SCLT1: variants seen among roughly 807,000 people sequenced by gnomAD.
The protein encoded by SCLT1 is sodium channel and clathrin linker 1.
In SCLT1, 78 loss-of-function variants were observed where a neutral mutation model predicts 112.8. The observed-to-expected ratio is 0.69, with a 90% CI of 0.58 to 0.83. The LOEUF (loss-of-function observed/expected upper bound fraction) is 0.83. Among genes scored for constraint, SCLT1 ranks in the 40% least tolerant of loss-of-function variants. The pLI, the probability that SCLT1 is intolerant of heterozygous loss-of-function variation, is 0.00. For missense variants in SCLT1, 747 were observed against 770.4 expected (o/e 0.97, Z 0.36); for synonymous variants, 257 against 254.7 (o/e 1.01, Z -0.09).
At chr4:128,942,024 A>T (rs1737737182) in intron 17 of SCLT1, among the ~76,000 whole-genome samples, 1 of 152,116 alleles carries the variant, frequency 6.6e-6, no homozygotes, top group African/African-American at 2.4e-5. Flanking sequence ...TGTTGATAAC[A>T]CATTGTCTAA....
At chr4:128,962,144 A>T (rs751986155) in intron 11 of SCLT1, among the ~76,000 whole-genome samples, 4 of 152,154 alleles carry the variant, frequency 2.6e-5, no homozygotes, top group Non-Finnish European at 5.9e-5. Context: ...ACTTGAGAAT[A>T]CCCAACTATA....
At chr4:128,915,539 C>T (rs1307567922) in intron 18 of SCLT1, among the ~76,000 whole-genome samples, 1 of 152,138 alleles carries the variant, frequency 6.6e-6, no homozygotes, top group African/African-American at 2.4e-5. Context: ...AGCAGTGGTA[C>T]AATTATGGGA....
intron 5 of SCLT1, among the ~76,000 whole-genome samples, chr4:129,020,400 A>G (rs1004334406): frequency 6.6e-6 from 1 of 152,212 alleles, no homozygotes; most frequent in Admixed American, 6.5e-5. Flanking sequence ...GCACAGACAG[A>G]AGCCAATGAT....
At chr4:129,082,431 C>G (rs1579962693) in intron 1 of SCLT1, 58 bp from the exon 2 acceptor site, 7 of 1,049,990 alleles carry the variant, frequency 6.7e-6, no homozygotes, top group Non-Finnish European at 1.0e-5. Context: ...TTCTTTAAAA[C>G]TAGAAATACA....
intron 14 of SCLT1, 22 bp downstream of exon 14, chr4:128,952,747 A>T (rs1044404378): frequency 8.1e-7 from 1 of 1,239,938 alleles, no homozygotes; most frequent in African/African-American, 1.5e-5. Flanking sequence ...TTGGAAGAAA[A>T]TATCAGTATA....
intron 18 of SCLT1, among the ~76,000 whole-genome samples, chr4:128,905,798 C>G (rs1579337018): frequency 9.1e-6 from 1 of 109,656 alleles, no homozygotes; most frequent in Non-Finnish European, 1.8e-5. Flanking sequence ...TAAATGTCAC[C>G]TTTTTAGACT....
At chr4:128,950,699 C>A (rs113793009) in intron 14 of SCLT1, among the ~76,000 whole-genome samples, 44 of 152,128 alleles carry the variant, frequency 2.9e-4, no homozygotes, top group Admixed American at 9.2e-4. Context: ...CAATAAAAGA[C>A]AGTGTAAATC....
intron 4 of SCLT1, chr4:128,874,574 G>A (rs535975540): frequency 2.6e-5 from 4 of 152,426 alleles, no homozygotes; most frequent in East Asian, 1.9e-4. Context: ...TTCCTGCTTC[G>A]AAATGCAAAT....
intron 18 of SCLT1, among the ~76,000 whole-genome samples, chr4:128,894,649 G>C (rs541921418): frequency 6.6e-6 from 1 of 152,028 alleles, no homozygotes; most frequent in South Asian, 2.1e-4. Context: ...AGGTTAAAAA[G>C]CTTAAAGTCA....
chr4:129,058,819 T>C (rs1366565972), intron 2 of SCLT1, among the ~76,000 whole-genome samples: 1 of 152,186 alleles, frequency 6.6e-6, no homozygotes, highest in Non-Finnish European at 1.5e-5. Flanking sequence ...CCACCTATTA[T>C]TGTATTACAG....
chr4:128,975,224 A>C (rs1482554647), intron 9 of SCLT1, among the ~76,000 whole-genome samples: 1 of 151,584 alleles, frequency 6.6e-6, no homozygotes, highest in African/African-American at 2.4e-5. Context: ...ATTTTTCAGT[A>C]GAGACGGGGT....
chr4:129,025,286 G>C (rs1447741036), intron 5 of SCLT1, among the ~76,000 whole-genome samples: 1 of 152,178 alleles, frequency 6.6e-6, no homozygotes, highest in African/African-American at 2.4e-5. Flanking sequence ...AAAATGTTAA[G>C]GGCAGCCAGA....
At chr4:129,055,188 TGAG>T (rs1006634034) in intron 2 of SCLT1, among the ~76,000 whole-genome samples, 17 of 152,188 alleles carry the variant, frequency 1.1e-4, no homozygotes, top group African/African-American at 4.1e-4. Context: ...CTCTCCTGTA[TGAG>T]GAGTCAGTCA....
intron 9 of SCLT1, among the ~76,000 whole-genome samples, chr4:128,990,046 C>G (rs1489359032): frequency 6.6e-6 from 1 of 151,774 alleles, no homozygotes; most frequent in Non-Finnish European, 1.5e-5. Context: ...AATACCAATC[C>G]TACTCTAACT....
chr4:129,055,154 G>A (rs889523591), intron 2 of SCLT1, among the ~76,000 whole-genome samples: 5 of 152,182 alleles, frequency 3.3e-5, no homozygotes, highest in Non-Finnish European at 5.9e-5. Context: ...TCCCAGAGGG[G>A]CACTGGCCTA....
At chr4:128,994,819 C>T (rs966919774) in intron 8 of SCLT1, among the ~76,000 whole-genome samples, 1 of 152,060 alleles carries the variant, frequency 6.6e-6, no homozygotes, top group African/African-American at 2.4e-5. Flanking sequence ...GGAAAAATAC[C>T]TATTTAAGTA....
At chr4:128,998,409 A>G (rs1310865345) in intron 7 of SCLT1, among the ~76,000 whole-genome samples, 1 of 151,898 alleles carries the variant, frequency 6.6e-6, no homozygotes, top group African/African-American at 2.4e-5. Flanking sequence ...ATTAGCTGTT[A>G]TGATTCTATT....
At chr4:128,924,213 T>A (rs1736115384) in intron 18 of SCLT1, among the ~76,000 whole-genome samples, 1 of 152,086 alleles carries the variant, frequency 6.6e-6, no homozygotes, top group Non-Finnish European at 1.5e-5. Flanking sequence ...ACAGTCTTTT[T>A]TCATTTTCTT....
At chr4:128,942,539 A>G (rs1737788264) in intron 17 of SCLT1, among the ~76,000 whole-genome samples, 1 of 152,064 alleles carries the variant, frequency 6.6e-6, no homozygotes, top group South Asian at 2.1e-4. Context: ...GTTTTAGATG[A>G]CATTTTTGCC....
Sources: allele counts gnomAD v4.1 joint callset (sites outside exome capture counted in the v4.1 genomes callset), GRCh38; gene constraint gnomAD v4.1.1; transcripts MANE v1.5; gene names NCBI Gene and HGNC (gene_info 2026-07-23, HGNC 2026-07-21).